DPYD: variants seen among roughly 807,000 people sequenced by gnomAD.
DPYD encodes dihydropyrimidine dehydrogenase, also known as dihydropyrimidine dehydrogenase [NADP(+)].
In DPYD, 109 loss-of-function variants were observed where a neutral mutation model predicts 116.2. The ratio of observed to expected loss-of-function variants is 0.94; its 90% CI spans 0.80 to 1.10. The LOEUF is 1.10. Among genes scored for constraint, DPYD ranks in the 50% least tolerant of loss-of-function variants. DPYD has a pLI of 0.00. For missense variants in DPYD, 1,302 were observed against 1,254.5 expected (o/e 1.04, Z -0.57); for synonymous variants, 440 against 432.0 (o/e 1.02, Z -0.23).
At chr1:97,293,334 G>T (rs969991168) in intron 18 of DPYD, among the ~76,000 whole-genome samples, 1 of 152,176 alleles carries the variant, frequency 6.6e-6, no homozygotes. Flanking sequence ...TGGAGAAGGG[G>T]CAGCTGAAGC....
At position 97,403,627 on chromosome 1, in the gene DPYD, T is replaced by C. The variant is rs146290416; in HGVS notation, c.1906-21166A>G. On this transcript the variant is annotated intron_variant, in intron 14 of 22. Transcript: ENST00000370192. ...TTCATAGCACTCTTTATTTTCCTTT[T>C]AGTGTCCCTGGGACCCGTAGTGATG... 9.0e-3 allele frequency among the ~76,000 whole-genome samples: 1,376 copies of C among 152,148 alleles called. 15 individuals are homozygous for C. Among genetic ancestry groups the C allele is most frequent in the Admixed American group, 0.014 (219 of 15,262 alleles).
intron 8 of DPYD, among the ~76,000 whole-genome samples, chr1:97,665,626 T>C (rs1412055745): frequency 1.3e-5 from 2 of 152,144 alleles, no homozygotes; most frequent in Non-Finnish European, 1.5e-5. Context: ...TGAAGAAAAA[T>C]CACAAATTCT....
At chr1:97,142,432 A>T (rs1436603990) in intron 20 of DPYD, among the ~76,000 whole-genome samples, 1 of 152,128 alleles carries the variant, frequency 6.6e-6, no homozygotes, top group Non-Finnish European at 1.5e-5. Flanking sequence ...AATACATGCG[A>T]ATCTCTCTTT....
At chr1:97,193,030 T>TG (rs779674746) in intron 20 of DPYD, 39 bp downstream of exon 20, 6 of 1,608,928 alleles carry the variant, frequency 3.7e-6, no homozygotes, top group Middle Eastern at 1.7e-4. Context: ...AAACCAAGGC[T>TG]GAGTTCTCAA....
intron 10 of DPYD, among the ~76,000 whole-genome samples, chr1:97,577,512 C>T (rs1297477127): frequency 2.0e-5 from 3 of 152,118 alleles, no homozygotes; most frequent in Admixed American, 2.0e-4. Context: ...AAGGCACTGG[C>T]CCGCAGGTCC....
chr1:97,713,281 T>C (rs935651488), intron 5 of DPYD, among the ~76,000 whole-genome samples: 4 of 152,112 alleles, frequency 2.6e-5, no homozygotes, highest in Admixed American at 2.0e-4. Context: ...AACTGTAAAT[T>C]GGCAACGAAA....
chr1:97,517,447 T>C (rs913296120), intron 12 of DPYD, among the ~76,000 whole-genome samples: 1 of 152,106 alleles, frequency 6.6e-6, no homozygotes, highest in Admixed American at 6.6e-5. Context: ...CAGTTAGCAG[T>C]AAACCGAATA....
intron 2 of DPYD, among the ~76,000 whole-genome samples, chr1:97,868,148 G>T (rs911211116): frequency 4.7e-5 from 7 of 150,332 alleles, no homozygotes; most frequent in African/African-American, 1.7e-4. Context: ...ATATAATTAA[G>T]AACAAATGTT....
intron 1 of DPYD, among the ~76,000 whole-genome samples, chr1:97,890,415 A>G (rs1033204532): frequency 3.3e-5 from 5 of 151,920 alleles, no homozygotes; most frequent in Non-Finnish European, 5.9e-5. Context: ...TAACTCCTAA[A>G]TATTACAGAA....
intron 18 of DPYD, among the ~76,000 whole-genome samples, chr1:97,278,671 G>A (rs1665110285): frequency 1.3e-5 from 2 of 152,188 alleles, no homozygotes; most frequent in Admixed American, 1.3e-4. Context: ...ATAATCTGAT[G>A]TGTACAGTTG....
intron 14 of DPYD, among the ~76,000 whole-genome samples, chr1:97,408,899 T>C (rs573126810): frequency 3.5e-4 from 53 of 152,260 alleles, no homozygotes; most frequent in African/African-American, 1.2e-3. Flanking sequence ...TTTGGACTCT[T>C]GGACTTACAC....
intron 20 of DPYD, among the ~76,000 whole-genome samples, chr1:97,108,209 C>T (rs76856161): frequency 0.013 from 1,939 of 152,182 alleles, 39 homozygotes; most frequent in African/African-American, 0.044. Context: ...AAACAGCACT[C>T]ACTTGGGAAT....
intron 4 of DPYD, among the ~76,000 whole-genome samples, chr1:97,735,298 G>A (rs1158598459): frequency 1.3e-5 from 2 of 152,098 alleles, no homozygotes. Flanking sequence ...GGAGGCAACA[G>A]ATAGCACAGA....
chr1:97,894,554 T>C (rs1413329659), intron 1 of DPYD, among the ~76,000 whole-genome samples: 1 of 151,720 alleles, frequency 6.6e-6, no homozygotes, highest in African/African-American at 2.4e-5. Flanking sequence ...CCAAAGGAGA[T>C]ATTTTAAAGT....
intron 18 of DPYD, among the ~76,000 whole-genome samples, chr1:97,295,088 A>C (rs2101000673): frequency 6.6e-6 from 1 of 152,332 alleles, no homozygotes; most frequent in South Asian, 2.1e-4. Flanking sequence ...TCTGAGTATG[A>C]ACCCAGACTA....
At chr1:97,486,122 C>A (rs574156874) in intron 13 of DPYD, among the ~76,000 whole-genome samples, 6 of 152,022 alleles carry the variant, frequency 3.9e-5, no homozygotes, top group Non-Finnish European at 7.4e-5. Flanking sequence ...TAAAGAGGCA[C>A]ATCATAACAT....
intron 3 of DPYD, among the ~76,000 whole-genome samples, chr1:97,820,649 G>C (rs1668876213): frequency 6.6e-6 from 1 of 152,108 alleles, no homozygotes; most frequent in African/African-American, 2.4e-5. Context: ...TCACCATCTA[G>C]TGACAAAATT....
chr1:97,341,395 A>G (rs1172614985), intron 16 of DPYD, among the ~76,000 whole-genome samples: 1 of 152,168 alleles, frequency 6.6e-6, no homozygotes, highest in Non-Finnish European at 1.5e-5. Flanking sequence ...AGACTTGACA[A>G]GTAAAATTTT....
At chr1:97,402,800 C>T (rs1425693900) in intron 14 of DPYD, among the ~76,000 whole-genome samples, 1 of 151,944 alleles carries the variant, frequency 6.6e-6, no homozygotes, top group Non-Finnish European at 1.5e-5. Context: ...TGTTAGTTTA[C>T]TGAGAGATTT....
Sources: allele counts gnomAD v4.1 joint callset (sites outside exome capture counted in the v4.1 genomes callset), GRCh38; gene constraint gnomAD v4.1.1; transcripts MANE v1.5; gene names NCBI Gene and HGNC (gene_info 2026-07-23, HGNC 2026-07-21).